MIB1: variants seen among roughly 807,000 people sequenced by gnomAD.
MIB1 encodes the protein E3 ubiquitin-protein ligase MIB1.
A neutral mutation model predicts 124.5 loss-of-function variants in MIB1; 278 were observed. That is an observed-to-expected ratio of 2.23 (90% CI 2.02 to 2.47). The LOEUF (loss-of-function observed/expected upper bound fraction) is 2.47, where lower values mean the gene tolerates loss of function less well. MIB1 is among the 30% of genes most tolerant of loss of function. The pLI is 0.00. For synonymous variants in MIB1, 446 were observed against 429.4 expected (o/e 1.04, Z -0.48); for missense variants, 957 against 1,254.4 (o/e 0.76, Z 3.58).
intron 1 of MIB1, among the ~76,000 whole-genome samples, chr18:21,750,190 C>T (rs149211492): frequency 0.033 from 4,968 of 152,224 alleles, 115 homozygotes; most frequent in East Asian, 0.069. Context: ...AGTGCAATGG[C>T]ATGATCTCAG....
intron 18 of MIB1, 77 bp from the exon 19 acceptor site, chr18:21,857,053 A>G (rs967358801): frequency 1.1e-6 from 1 of 940,854 alleles, no homozygotes; most frequent in South Asian, 1.4e-5. Context: ...AATTTAAGTC[A>G]TAAAAATTAG....
chr18:21,841,607 T>C (rs1244988379), intron 13 of MIB1, among the ~76,000 whole-genome samples: 2 of 152,114 alleles, frequency 1.3e-5, no homozygotes, highest in African/African-American at 4.8e-5. Flanking sequence ...AATTAGAATT[T>C]GTATACATTG....
intron 1 of MIB1, among the ~76,000 whole-genome samples, chr18:21,751,332 A>G (rs570497336): frequency 5.3e-5 from 8 of 152,214 alleles, no homozygotes; most frequent in African/African-American, 1.9e-4. Context: ...GCTGGGGTGC[A>G]GTGGCACGAT....
At chr18:21,826,994 A>G (rs1033583785) in intron 12 of MIB1, 1 of 152,102 alleles carries the variant, frequency 6.6e-6, no homozygotes, top group African/African-American at 2.4e-5. Context: ...TTCTATTTTT[A>G]CTAGTTATAT....
rs139138446 is a variant in MIB1 at position 21,782,405 on chromosome 18, G to A, written c.908+2720G>A. ...CCCAAAGTACTGGGATTATAGGCAT[G>A]AACCACTGCATCTGGCGTTAAATTA... On this transcript the variant is annotated intron_variant, in intron 6 of 20. Transcript: ENST00000261537. 2.7e-3 allele frequency among the ~76,000 whole-genome samples: 407 copies of A among 152,314 alleles called. 2 individuals carry two copies. Among genetic ancestry groups the A allele is most frequent in the African/African-American group, 8.7e-3 (363 of 41,574 alleles).
chr18:21,856,057 C>T (rs1180406236), intron 18 of MIB1, among the ~76,000 whole-genome samples: 5 of 151,126 alleles, frequency 3.3e-5, no homozygotes, highest in South Asian at 2.1e-4. Context: ...GGTGAAACCC[C>T]GTCTCTACTA....
chr18:21,860,052 AC>A (rs763284463), intron 20 of MIB1, among the ~76,000 whole-genome samples: 22 of 145,528 alleles, frequency 1.5e-4, no homozygotes, highest in Non-Finnish European at 3.0e-4. Context: ...AATAAGAGTA[AC>A]GTTCCATACT....
At position 21,773,629 on chromosome 18, in the gene MIB1, A is replaced by G. The variant is rs765999845; in HGVS notation, c.537A>G (p.Thr179=). The G allele has an allele frequency of 1.9e-6, 3 of 1,604,684 alleles. No individual in the cohort carries two copies. The highest frequency in any genetic ancestry group is 1.7e-5 in the Admixed American group (1 of 58,198). ...DGGNGRRGKV[T]EIQDWSASSP... ...CTCAAAAACTATTCTGTTAGGTAAC[A>G]GAAATCCAGGACTGGAGTGCATCAA... Residue 179 remains threonine (T), a synonymous_variant, in exon 4 of 21, where the codon ACA becomes ACG. Coordinates refer to ENST00000261537, the MANE Select transcript of MIB1 (RefSeq NM_020774.4).
intron 12 of MIB1, among the ~76,000 whole-genome samples, chr18:21,836,538 C>T (rs956704510): frequency 2.0e-5 from 3 of 152,106 alleles, no homozygotes; most frequent in African/African-American, 7.2e-5. Flanking sequence ...CCTGTAATTT[C>T]TTAATTTATC....
At chr18:21,823,680 G>A (rs73963257) in intron 12 of MIB1, among the ~76,000 whole-genome samples, 1 of 152,144 alleles carries the variant, frequency 6.6e-6, no homozygotes, top group African/African-American at 2.4e-5. Context: ...TTCACTATGA[G>A]ACCCTGAGTA....
At chr18:21,795,629 TA>T (rs2041570006) in intron 7 of MIB1, among the ~76,000 whole-genome samples, 1 of 151,748 alleles carries the variant, frequency 6.6e-6, no homozygotes, top group Admixed American at 6.6e-5. Flanking sequence ...AAGTTAAATT[TA>T]AAAAGGAAAC....
chr18:21,735,781 C>T (rs191180881), intron 1 of MIB1, among the ~76,000 whole-genome samples: 4 of 152,302 alleles, frequency 2.6e-5, no homozygotes, highest in East Asian at 1.9e-4. Flanking sequence ...GGGTGGAGGC[C>T]CTCTGCAACT....
chr18:21,831,571 A>C (rs545851691), intron 12 of MIB1, among the ~76,000 whole-genome samples: 1 of 152,136 alleles, frequency 6.6e-6, no homozygotes, highest in Non-Finnish European at 1.5e-5. Flanking sequence ...AAGCTGAGGA[A>C]GCCTCAATCT....
At chr18:21,765,627 C>G in intron 1 of MIB1, 145 bp from the exon 2 acceptor site, 1 of 713,564 alleles carries the variant, frequency 1.4e-6, no homozygotes, top group Non-Finnish European at 2.3e-6. Context: ...TATCTTGAAG[C>G]TATATGTGTT....
chr18:21,810,133 AAAC>A (rs2041754469), intron 10 of MIB1, among the ~76,000 whole-genome samples: 1 of 152,136 alleles, frequency 6.6e-6, no homozygotes, highest in Non-Finnish European at 1.5e-5. Context: ...GAAATTGAGA[AAAC>A]AACTCCATTT....
intron 9 of MIB1, among the ~76,000 whole-genome samples, chr18:21,801,556 C>T (rs1323746472): frequency 6.6e-6 from 1 of 152,046 alleles, no homozygotes; most frequent in Non-Finnish European, 1.5e-5. Flanking sequence ...AAATGCATAC[C>T]ACCCACGTAG....
rs768236764 is a variant in MIB1 at position 21,815,703 on chromosome 18, T to C, written c.1567T>C (p.Leu523=). ...AGTACTACATCGAGGTAGTGCTGAT[T>C]TGAATGCTCGAAACAAGCGCCGACA... The part of the protein sequence containing the change: ...IEVLHRGSAD[L]NARNKRRQTP... Residue 523 remains leucine, a synonymous_variant, in exon 11 of 21, where the codon TTG becomes CTG. Transcript: ENST00000261537. 6 of 1,614,186 alleles carry C rather than the reference T, an allele frequency of 3.7e-6. No homozygotes were observed. The highest frequency in any genetic ancestry group is 1.1e-5 in the South Asian group (1 of 91,080).
Position 21,853,237 on chromosome 18 carries a change from G to A in MIB1, c.2665+19G>A, listed in dbSNP as rs372491646. On this transcript the variant is annotated intron_variant, in intron 18 of 20. Coordinates refer to ENST00000261537, the MANE Select transcript of MIB1 (RefSeq NM_020774.4). ...TGTGAGAGTAAGTAGCCTATGCAGA[G>A]TTCCTCAATATTATTATAAAAATAG... 39 of 1,516,270 alleles carry A rather than the reference G, an allele frequency of 2.6e-5. No individual in the cohort carries two copies. Among genetic ancestry groups the A allele is most frequent in the Admixed American group, 1.6e-4 (9 of 55,922 alleles). The allele number at this position is 1,516,270 out of a possible 1,614,324, so 93.9% of individuals were successfully genotyped here.
intron 10 of MIB1, among the ~76,000 whole-genome samples, chr18:21,811,686 G>A (rs563475565): frequency 1.3e-5 from 2 of 152,072 alleles, no homozygotes; most frequent in African/African-American, 2.4e-5. Flanking sequence ...AATGTATGGT[G>A]GTTTCCAGAG....
Sources: gnomAD v4.1 joint callset for allele counts (sites outside exome capture counted in the v4.1 genomes callset) on GRCh38, gnomAD v4.1.1 for gene constraint, MANE v1.5 for transcripts, NCBI Gene and HGNC (gene_info 2026-07-23, HGNC 2026-07-21) for gene names.